LHFPL3: variants seen among roughly 807,000 people sequenced by gnomAD.
LHFPL3 encodes LHFPL tetraspan subfamily member 3.
In LHFPL3, 5 loss-of-function variants were observed where a neutral mutation model predicts 19.3. That is an observed-to-expected ratio of 0.26 (90% confidence interval 0.14 to 0.54). LHFPL3 has a LOEUF of 0.54. Ranked by LOEUF, LHFPL3 falls within the 20% of genes least tolerant of loss-of-function variation. LHFPL3 has a pLI of 0.94. For synonymous variants in LHFPL3, 133 were observed against 126.2 expected (o/e 1.05, Z -0.36); for missense variants, 249 against 307.4 (o/e 0.81, Z 1.42).
chr7:104,817,813 C>T (rs1470604391), intron 2 of LHFPL3, among the ~76,000 whole-genome samples: 1 of 151,806 alleles, frequency 6.6e-6, no homozygotes, highest in African/African-American at 2.4e-5. Context: ...CATACCACAT[C>T]ATCAACTGTC....
At chr7:104,369,050 G>GT (rs1373453957) in intron 1 of LHFPL3, among the ~76,000 whole-genome samples, 1 of 152,148 alleles carries the variant, frequency 6.6e-6, no homozygotes, top group Non-Finnish European at 1.5e-5. Flanking sequence ...CCTTTTTAAA[G>GT]TTTTATTGAG....
At chr7:104,854,695 T>G (rs1463169458) in intron 2 of LHFPL3, among the ~76,000 whole-genome samples, 1 of 152,166 alleles carries the variant, frequency 6.6e-6, no homozygotes, top group Non-Finnish European at 1.5e-5. Flanking sequence ...TGACAATTAA[T>G]AAGCTTGTAA....
chr7:104,545,399 T>A (rs982130494), intron 1 of LHFPL3, among the ~76,000 whole-genome samples: 3 of 152,156 alleles, frequency 2.0e-5, no homozygotes, highest in Non-Finnish European at 4.4e-5. Context: ...GTTCCTGCAC[T>A]CGTCTAGTGC....
intron 2 of LHFPL3, among the ~76,000 whole-genome samples, chr7:104,742,147 C>A (rs1167286910): frequency 6.6e-6 from 1 of 152,172 alleles, no homozygotes; most frequent in Non-Finnish European, 1.5e-5. Flanking sequence ...TTTTCAATTT[C>A]TTTCATTAAT....
At chr7:104,424,887 C>T (rs1034188259) in intron 1 of LHFPL3, among the ~76,000 whole-genome samples, 1 of 148,868 alleles carries the variant, frequency 6.7e-6, no homozygotes, top group Non-Finnish European at 1.5e-5. Context: ...GAGGCTGAGG[C>T]AGGAGAATGG....
intron 1 of LHFPL3, among the ~76,000 whole-genome samples, chr7:104,564,336 A>G (rs1790078122): frequency 6.6e-6 from 1 of 152,226 alleles, no homozygotes; most frequent in Admixed American, 6.5e-5. Flanking sequence ...ACACTTTTAG[A>G]AAATCCTTCC....
At chr7:104,435,628 A>T (rs190627196) in intron 1 of LHFPL3, among the ~76,000 whole-genome samples, 1 of 151,560 alleles carries the variant, frequency 6.6e-6, no homozygotes, top group East Asian at 1.9e-4. Context: ...TTGAAGCAAG[A>T]TATTTTCTGA....
chr7:104,741,966 G>A (rs1443774844), intron 2 of LHFPL3, among the ~76,000 whole-genome samples: 1 of 152,126 alleles, frequency 6.6e-6, no homozygotes, highest in Non-Finnish European at 1.5e-5. Flanking sequence ...GGACAGGCAG[G>A]TATTGTTTGG....
At chr7:104,423,832 C>G (rs958409770) in intron 1 of LHFPL3, among the ~76,000 whole-genome samples, 2 of 151,530 alleles carry the variant, frequency 1.3e-5, no homozygotes, top group African/African-American at 4.9e-5. Context: ...AGAGCAAGAC[C>G]CTGTCTCAAA....
intron 1 of LHFPL3, among the ~76,000 whole-genome samples, chr7:104,590,074 A>T (rs1790676253): frequency 6.6e-6 from 1 of 151,992 alleles, no homozygotes; most frequent in African/African-American, 2.4e-5. Context: ...TCCTGGATTC[A>T]TTGATTTTTT....
At chr7:104,905,355 A>G (rs544237231) in intron 2 of LHFPL3, among the ~76,000 whole-genome samples, 5 of 152,316 alleles carry the variant, frequency 3.3e-5, no homozygotes, top group African/African-American at 1.2e-4. Context: ...ATAGTGAAAC[A>G]GTTGCAAATG....
At chr7:104,351,316 A>C (rs1191245593) in intron 1 of LHFPL3, among the ~76,000 whole-genome samples, 2 of 152,162 alleles carry the variant, frequency 1.3e-5, no homozygotes, top group African/African-American at 4.8e-5. Context: ...GTTCTATTAC[A>C]TCTGCTTTTG....
intron 1 of LHFPL3, among the ~76,000 whole-genome samples, chr7:104,497,626 T>TA (rs61246004): frequency 1.8e-3 from 239 of 132,506 alleles, no homozygotes; most frequent in South Asian, 5.4e-3. Flanking sequence ...ACACACCAAT[T>TA]AAAAAAAAAA....
At chr7:104,430,555 G>A (rs1442818353) in intron 1 of LHFPL3, among the ~76,000 whole-genome samples, 1 of 133,154 alleles carries the variant, frequency 7.5e-6, no homozygotes, top group African/African-American at 2.7e-5. Context: ...TGCAAGCTCC[G>A]CCTGCCAGGT....
intron 1 of LHFPL3, among the ~76,000 whole-genome samples, chr7:104,375,388 A>C (rs2116440750): frequency 6.6e-6 from 1 of 152,226 alleles, no homozygotes; most frequent in Non-Finnish European, 1.5e-5. Flanking sequence ...AGAAAAATGA[A>C]AACAATAAAC....
In LHFPL3 at chr7:104,437,832, C is replaced by G. The variant is rs531015125; in HGVS notation, c.445+108608C>G. On this transcript the variant is annotated intron_variant, in intron 1 of 2. Transcript: ENST00000424859. ...AACTCATAAGCTCTTCAAACTCCAC[C>G]ATTCAGGGATTTTTTTAAATGGAGC... Among the ~76,000 whole-genome samples the G allele has an allele frequency of 3.9e-5, 6 of 152,146 alleles. No individual in the cohort carries two copies. In the South Asian group the frequency reaches 1.2e-3, roughly 32 times the overall value.
At chr7:104,824,719 T>C (rs1474676359) in intron 2 of LHFPL3, among the ~76,000 whole-genome samples, 2 of 101,074 alleles carry the variant, frequency 2.0e-5, no homozygotes, top group Non-Finnish European at 3.6e-5. Flanking sequence ...TATAATTATA[T>C]ATATATTTTT....
chr7:104,507,065 A>G (rs1266873833), intron 1 of LHFPL3, among the ~76,000 whole-genome samples: 1 of 152,210 alleles, frequency 6.6e-6, no homozygotes, highest in African/African-American at 2.4e-5. Context: ...TTAAATGGAA[A>G]TAAAAGATAT....
intron 2 of LHFPL3, among the ~76,000 whole-genome samples, chr7:104,800,900 C>T (rs1584541319): frequency 6.6e-6 from 1 of 152,212 alleles, no homozygotes; most frequent in African/African-American, 2.4e-5. Context: ...CCAAAATAGA[C>T]AGGACCTTGG....
Sources: allele counts gnomAD v4.1 joint callset (sites outside exome capture counted in the v4.1 genomes callset), GRCh38; gene constraint gnomAD v4.1.1; transcripts MANE v1.5; gene names NCBI Gene and HGNC (gene_info 2026-07-23, HGNC 2026-07-21).